NCOA7: variants seen among roughly 807,000 people sequenced by gnomAD.
NCOA7 encodes nuclear receptor coactivator 7.
In NCOA7, 45 loss-of-function variants were observed where a neutral mutation model predicts 104.3. The ratio of observed to expected loss-of-function variants is 0.43; its 90% CI spans 0.34 to 0.55. The LOEUF (loss-of-function observed/expected upper bound fraction) is 0.55. Ranked by LOEUF, NCOA7 falls within the 20% of genes least tolerant of loss-of-function variation. The pLI, the probability that NCOA7 is intolerant of heterozygous loss-of-function variation, is 0.02. For synonymous variants in NCOA7, 398 were observed against 402.3 expected (o/e 0.99, Z 0.13); for missense variants, 1,041 against 1,119.7 (o/e 0.93, Z 1.00).
At chr6:125,863,156 CA>C (rs1297150138) in intron 3 of NCOA7, among the ~76,000 whole-genome samples, 1 of 138,536 alleles carries the variant, frequency 7.2e-6, no homozygotes, top group Non-Finnish European at 1.5e-5. Context: ...AGTTAGGGAG[CA>C]TGAATGTTCA....
intron 3 of NCOA7, among the ~76,000 whole-genome samples, chr6:125,856,600 A>G (rs183790262): frequency 1.2e-4 from 19 of 152,108 alleles, no homozygotes; most frequent in South Asian, 2.1e-4. Flanking sequence ...GATCTAAGAG[A>G]TGGGGCCTCC....
intron 10 of NCOA7, among the ~76,000 whole-genome samples, chr6:125,906,133 A>AT (rs1785979647): frequency 6.6e-6 from 1 of 152,174 alleles, no homozygotes; most frequent in Non-Finnish European, 1.5e-5. Context: ...AAAGGTCGCA[A>AT]GGTGGGGTGG....
At chr6:125,816,767 C>A (rs187431821) in intron 2 of NCOA7, among the ~76,000 whole-genome samples, 35 of 152,306 alleles carry the variant, frequency 2.3e-4, no homozygotes, top group Middle Eastern at 6.8e-3. Context: ...CATATTGATA[C>A]AATCCACCAG....
chr6:125,869,765 A>T (rs1462850958), intron 3 of NCOA7, among the ~76,000 whole-genome samples: 1 of 152,234 alleles, frequency 6.6e-6, no homozygotes, highest in African/African-American at 2.4e-5. Flanking sequence ...CCAGGGCTCA[A>T]GGCCCTGCTT....
intron 3 of NCOA7, 129 bp from the exon 4 acceptor site, chr6:125,874,760 C>T (rs999866943): frequency 1.1e-5 from 7 of 636,022 alleles, no homozygotes; most frequent in Admixed American, 2.6e-5. Context: ...TATTTGTGCC[C>T]TGAGTCCATT....
chr6:125,823,336 G>T (rs1156350972), intron 2 of NCOA7, among the ~76,000 whole-genome samples: 2 of 152,142 alleles, frequency 1.3e-5, no homozygotes, highest in Admixed American at 1.3e-4. Context: ...TAAATGGTTT[G>T]TGAATTTTAA....
chr6:125,805,596 C>G (rs1402750412), intron 1 of NCOA7, among the ~76,000 whole-genome samples: 1 of 152,170 alleles, frequency 6.6e-6, no homozygotes, highest in Non-Finnish European at 1.5e-5. Context: ...AGTTCAGACT[C>G]TTTATCTGGA....
chr6:125,901,494 G>A (rs558245547), intron 10 of NCOA7, among the ~76,000 whole-genome samples: 81 of 152,326 alleles, frequency 5.3e-4, no homozygotes, highest in African/African-American at 1.8e-3. Context: ...CTGCTGCACT[G>A]AAACCCCTTG....
chr6:125,917,249 G>C (rs1439949743), intron 11 of NCOA7, among the ~76,000 whole-genome samples: 3 of 150,752 alleles, frequency 2.0e-5, no homozygotes, highest in Non-Finnish European at 4.4e-5. Context: ...TTATGTTTTG[G>C]AAACACTGAC....
chr6:125,882,748 A>G (rs1409694554), intron 7 of NCOA7, 197 bp downstream of exon 7: 1 of 612,344 alleles, frequency 1.6e-6, no homozygotes, highest in Non-Finnish European at 2.8e-6. Context: ...ACTGAGTGGA[A>G]ATGTGATTCT....
At chr6:125,818,788 T>C (rs1777843592) in intron 2 of NCOA7, 1 of 152,308 alleles carries the variant, frequency 6.6e-6, no homozygotes, top group Non-Finnish European at 1.5e-5. Flanking sequence ...AATTACCATG[T>C]GGAACTAGCA....
At chr6:125,890,862 G>A (rs772119872) in intron 10 of NCOA7, 52 bp downstream of exon 10, 24 of 1,384,444 alleles carry the variant, frequency 1.7e-5, no homozygotes, top group South Asian at 1.3e-4. Context: ...TTTGGATGGC[G>A]TTTTGATATT....
chr6:125,820,564 T>C (rs1356421362), intron 2 of NCOA7, among the ~76,000 whole-genome samples: 2 of 152,206 alleles, frequency 1.3e-5, no homozygotes, highest in African/African-American at 4.8e-5. Context: ...TAGTACACTT[T>C]GTAGCTTTCG....
At chr6:125,868,204 A>G (rs930559140) in intron 3 of NCOA7, among the ~76,000 whole-genome samples, 1 of 152,224 alleles carries the variant, frequency 6.6e-6, no homozygotes, top group African/African-American at 2.4e-5. Context: ...CAAAATGATC[A>G]GATTCTTTTT....
rs977268373 is a variant in NCOA7, at chr6:125,858,666, A to T, written c.271+3426A>T. ...GAAAGAAATGCCATTAAAGCTTACC[A>T]TCTCTCAAGAATAACAATGATAGCA... On this transcript the variant is annotated intron_variant, in intron 3 of 15. Transcript: ENST00000392477. Among the ~76,000 whole-genome samples the T allele has an allele frequency of 2.0e-5, 3 of 151,996 alleles. No homozygotes were observed. The South Asian group carries it at 6.2e-4, about 32-fold the overall frequency.
At chr6:125,803,826 C>T (rs1268080) in intron 1 of NCOA7, among the ~76,000 whole-genome samples, 8,572 of 152,220 alleles carry the variant, frequency 0.056, 760 homozygotes, top group African/African-American at 0.19. Flanking sequence ...TATCTTTTAA[C>T]GCCTTTCATC....
At chr6:125,908,647 C>T (rs2128680642) in intron 10 of NCOA7, among the ~76,000 whole-genome samples, 2 of 152,292 alleles carry the variant, frequency 1.3e-5, no homozygotes, top group East Asian at 1.9e-4. Context: ...CTACCCCATC[C>T]ACCTTCCCGA....
In NCOA7 at chr6:125,928,938, T is replaced by C; in HGVS notation, c.*167T>C. ...CACATTGCAGAAAGATTCTGGAAGG[T>C]CCATGTAGAGGGCAGACATTGAAGA... is the stretch of plus-strand genomic sequence containing the variant. On this transcript the variant is annotated 3_prime_UTR_variant, in exon 16 of 16. Transcript: ENST00000392477. The C allele has an allele frequency of 1.4e-6, 1 of 711,122 alleles. No homozygotes were observed. The highest frequency in any genetic ancestry group is 2.2e-6 in the Non-Finnish European group (1 of 462,394). 44.1% of individuals were successfully genotyped at this position (711,122 alleles called of 1,614,324 possible).
At chr6:125,806,039 T>TGG (rs1583254788) in intron 1 of NCOA7, among the ~76,000 whole-genome samples, 1 of 152,070 alleles carries the variant, frequency 6.6e-6, no homozygotes, top group African/African-American at 2.4e-5. Context: ...CAGGCCTGTC[T>TGG]TACTTTAAAG....
Sources: gnomAD v4.1 joint callset for allele counts (sites outside exome capture counted in the v4.1 genomes callset) on GRCh38, gnomAD v4.1.1 for gene constraint, MANE v1.5 for transcripts, NCBI Gene and HGNC (gene_info 2026-07-23, HGNC 2026-07-21) for gene names.